Variants in LHFPL2 observed in about 807,000 individuals in gnomAD.
The protein encoded by LHFPL2 is LHFPL tetraspan subfamily member 2, also known as LHFPL tetraspan subfamily member 2 protein.
A neutral mutation model predicts 17.5 loss-of-function variants in LHFPL2; 7 were observed. The ratio of observed to expected loss-of-function variants is 0.40; its 90% CI spans 0.23 to 0.75. The LOEUF is 0.75. Among genes scored for constraint, LHFPL2 ranks in the 30% least tolerant of loss-of-function variants. The pLI is 0.37. For missense variants in LHFPL2, 241 were observed against 294.8 expected (o/e 0.82, Z 1.34); for synonymous variants, 134 against 116.2 (o/e 1.15, Z -0.99).
At position 78,578,582 on chromosome 5, in the gene LHFPL2, T is replaced by A. The variant is rs568321998; in HGVS notation, c.-244-13711A>T. On this transcript the variant is annotated intron_variant, in intron 2 of 4. Coordinates refer to ENST00000380345, the MANE Select transcript of LHFPL2 (RefSeq NM_005779.3). ...GGGCTTAGGCTGTTTTTCTTGCATATGTGCACACACACACACACACACACA... is the reference window on the plus strand; with the variant it reads ...GGGCTTAGGCTGTTTTTCTTGCATAAGTGCACACACACACACACACACACA... Among the ~76,000 whole-genome samples, 450 of 116,566 alleles carry A rather than the reference T, an allele frequency of 3.9e-3. 3 individuals are homozygous for A. The highest frequency in any genetic ancestry group is 0.015 in the African/African-American group (432 of 28,302). The allele number at this position is 116,566 out of a possible 152,430, so 76.5% of individuals were successfully genotyped here.
chr5:78,500,457 A>C (rs770360519), intron 4 of LHFPL2, among the ~76,000 whole-genome samples: 2 of 152,146 alleles, frequency 1.3e-5, no homozygotes, highest in Non-Finnish European at 2.9e-5. Context: ...GGCTCTCGTG[A>C]AATCTTGCTT....
chr5:78,561,867 C>T (rs1278814188), intron 3 of LHFPL2, among the ~76,000 whole-genome samples: 1 of 152,162 alleles, frequency 6.6e-6, no homozygotes, highest in Non-Finnish European at 1.5e-5. Context: ...CCCAGAGAGT[C>T]TGGATTATTA....
chr5:78,510,404 G>A lies in LHFPL2; in HGVS notation c.-185-6C>T. On this transcript the variant is annotated splice_polypyrimidine_tract_variant and splice_region_variant and intron_variant, in intron 3 of 4. Transcript: ENST00000380345. ...AGCACCGCCTGCGGCCTCACCTAGG[G>A]GAGAGGGAGGGCGGTTAGCAGCGCC... The A allele has an allele frequency of 1.7e-6, 1 of 589,394 alleles. No individual in the cohort carries two copies. Among genetic ancestry groups the A allele is most frequent in the Non-Finnish European group, 2.9e-6 (1 of 346,196 alleles). 36.5% of individuals were successfully genotyped at this position (589,394 alleles called of 1,614,324 possible). A position where few individuals can be genotyped will look rare whatever the true frequency, so the allele number is the denominator to read the frequency against.
At chr5:78,642,034 G>A (rs1011268097) in intron 1 of LHFPL2, 2 of 152,170 alleles carry the variant, frequency 1.3e-5, no homozygotes, top group Non-Finnish European at 2.9e-5. Context: ...GGAAGTCCAA[G>A]ATTAAGGTGC....
intron 3 of LHFPL2, among the ~76,000 whole-genome samples, chr5:78,525,985 G>A (rs1317074586): frequency 6.6e-6 from 1 of 152,244 alleles, no homozygotes; most frequent in East Asian, 1.9e-4. Flanking sequence ...TGAGCCTGCT[G>A]AAGAAGGCAG....
At chr5:78,591,245 T>C (rs1175481884) in intron 2 of LHFPL2, among the ~76,000 whole-genome samples, 2 of 152,198 alleles carry the variant, frequency 1.3e-5, no homozygotes, top group Non-Finnish European at 2.9e-5. Flanking sequence ...TAATGACCAA[T>C]GTTTGTTCCC....
At chr5:78,632,801 G>A (rs1169832789) in intron 1 of LHFPL2, among the ~76,000 whole-genome samples, 4 of 152,172 alleles carry the variant, frequency 2.6e-5, no homozygotes. Flanking sequence ...GAAAATACAA[G>A]GGTATATATG....
chr5:78,575,150 C>G (rs904150516), intron 2 of LHFPL2, among the ~76,000 whole-genome samples: 1 of 152,140 alleles, frequency 6.6e-6, no homozygotes, highest in Non-Finnish European at 1.5e-5. Flanking sequence ...TGCAGGCAAC[C>G]CCCACAGGGC....
chr5:78,533,302 T>C (rs921804754), intron 3 of LHFPL2, among the ~76,000 whole-genome samples: 5 of 152,218 alleles, frequency 3.3e-5, no homozygotes, highest in Admixed American at 3.3e-4. Context: ...AAGATGTTTT[T>C]AAAGAAATGA....
chr5:78,587,814 C>T (rs924570146), intron 2 of LHFPL2, among the ~76,000 whole-genome samples: 3 of 152,246 alleles, frequency 2.0e-5, no homozygotes, highest in South Asian at 2.1e-4. Flanking sequence ...CCCTCTTTAT[C>T]GTCCCTACCA....
At position 78,611,360 on chromosome 5, in the gene LHFPL2, T is replaced by C. The variant is rs142507625; in HGVS notation, c.-245+20904A>G. ...CCACCTGGGCTTTGAACTCTGTCCA[T>C]TGTCAGCTTCTGCACTCCAGCAGGG... On this transcript the variant is annotated intron_variant, in intron 2 of 4. Transcript: ENST00000380345. 5.1e-3 allele frequency among the ~76,000 whole-genome samples: 772 copies of C among 152,292 alleles called. 12 individuals carry two copies. The highest frequency in any genetic ancestry group is 0.018 in the African/African-American group (745 of 41,578).
At chr5:78,496,042 C>T (rs1010441910) in intron 4 of LHFPL2, among the ~76,000 whole-genome samples, 5 of 152,126 alleles carry the variant, frequency 3.3e-5, no homozygotes, top group African/African-American at 1.2e-4. Flanking sequence ...TTTGTCACCA[C>T]TTCCTGCCAC....
chr5:78,610,060 A>G (rs1744365618), intron 2 of LHFPL2, among the ~76,000 whole-genome samples: 1 of 152,038 alleles, frequency 6.6e-6, no homozygotes, highest in African/African-American at 2.4e-5. Flanking sequence ...CTGCCAGGGG[A>G]CTAGAGTCAC....
At chr5:78,582,146 C>T (rs1335543882) in intron 2 of LHFPL2, among the ~76,000 whole-genome samples, 1 of 152,184 alleles carries the variant, frequency 6.6e-6, no homozygotes, top group African/African-American at 2.4e-5. Flanking sequence ...ACCCCTTTAT[C>T]ATTTTTTATT....
intron 1 of LHFPL2, among the ~76,000 whole-genome samples, chr5:78,647,654 G>A (rs916006406): frequency 6.6e-6 from 1 of 152,158 alleles, no homozygotes; most frequent in Non-Finnish European, 1.5e-5. Flanking sequence ...AGGCGAGGAC[G>A]GGGGTGGGGA....
intron 4 of LHFPL2, among the ~76,000 whole-genome samples, chr5:78,499,175 G>C (rs1417933034): frequency 6.6e-6 from 1 of 152,194 alleles, no homozygotes; most frequent in African/African-American, 2.4e-5. Context: ...AAATGGAGAT[G>C]AAACTATAAA....
At chr5:78,530,500 T>C (rs536086900) in intron 3 of LHFPL2, among the ~76,000 whole-genome samples, 2 of 152,318 alleles carry the variant, frequency 1.3e-5, no homozygotes, top group South Asian at 4.1e-4. Context: ...ATGTATTTAT[T>C]CATTTATTCC....
chr5:78,507,526 G>A (rs956141636), intron 4 of LHFPL2, among the ~76,000 whole-genome samples: 3 of 152,176 alleles, frequency 2.0e-5, no homozygotes, highest in African/African-American at 7.2e-5. Flanking sequence ...TAAACTGCAT[G>A]TAAACAGTCT....
At chr5:78,613,853 G>A (rs1744502090) in intron 2 of LHFPL2, among the ~76,000 whole-genome samples, 1 of 152,124 alleles carries the variant, frequency 6.6e-6, no homozygotes, top group Non-Finnish European at 1.5e-5. Context: ...GATTCATCAG[G>A]TACAAAAAGG....
Sources: gnomAD v4.1 joint callset for allele counts (sites outside exome capture counted in the v4.1 genomes callset) on GRCh38, gnomAD v4.1.1 for gene constraint, MANE v1.5 for transcripts, NCBI Gene and HGNC (gene_info 2026-07-23, HGNC 2026-07-21) for gene names.